Variants in SMAD7 observed in about 807,000 individuals in gnomAD.
SMAD7 encodes the protein MAD (mothers against decapentaplegic, Drosophila) homolog 7.
SMAD7 carries 8 observed loss-of-function variants against 38.7 expected under a neutral mutation model. The observed-to-expected ratio is 0.21, with a 90% confidence interval of 0.12 to 0.37. The LOEUF (loss-of-function observed/expected upper bound fraction) is 0.37, where lower values mean the gene tolerates loss of function less well. SMAD7 is among the 10% of genes least tolerant of loss of function. The probability of loss-of-function intolerance (pLI) is 1.00; values close to 1 mark genes in which losing one functional copy is unlikely to be tolerated. For synonymous variants in SMAD7, 327 were observed against 265.1 expected, an observed-to-expected ratio of 1.23 and a Z score of -2.27; for missense variants, 477 against 577.9, an observed-to-expected ratio of 0.83 and a Z score of 1.79.
At chr18:48,938,697 C>T (rs1041355101) in intron 3 of SMAD7, among the ~76,000 whole-genome samples, 12 of 152,340 alleles carry the variant, frequency 7.9e-5, no homozygotes, top group Non-Finnish European at 1.6e-4. Context: ...AGCCCCCAGA[C>T]AGAAACTCCA....
In SMAD7 at chr18:48,923,983, G is replaced by C. The variant is rs553184326; in HGVS notation, c.743-2073C>G. Among the ~76,000 whole-genome samples the C allele has an allele frequency of 4.6e-5, 7 of 152,254 alleles. No homozygotes were observed. In the East Asian group the frequency reaches 1.2e-3, roughly 25 times the overall value. On this transcript the variant is annotated intron_variant, in intron 3 of 3. Coordinates refer to ENST00000262158, the MANE Select transcript of SMAD7 (RefSeq NM_005904.4). ...GCAATCTTTGAACTTTCTTGCTGAG[G>C]GAACTCAGCTCTGAAGGCTACACCA...
chr18:48,947,331 T>A (rs2070206273), intron 2 of SMAD7, among the ~76,000 whole-genome samples: 1 of 152,178 alleles, frequency 6.6e-6, no homozygotes, highest in African/African-American at 2.4e-5. Context: ...GTATTTAATT[T>A]ATGACAACGC....
chr18:48,922,195 G>C (rs895477977), intron 3 of SMAD7, among the ~76,000 whole-genome samples: 1 of 152,190 alleles, frequency 6.6e-6, no homozygotes, highest in Non-Finnish European at 1.5e-5. Flanking sequence ...GGCCAACAAA[G>C]CCTCTTCTCT....
At chr18:48,925,008 G>A (rs1164183057) in intron 3 of SMAD7, among the ~76,000 whole-genome samples, 1 of 152,146 alleles carries the variant, frequency 6.6e-6, no homozygotes, top group Non-Finnish European at 1.5e-5. Context: ...TCCCTGAATC[G>A]GGCCCACAGC....
At chr18:48,930,672 C>T (rs1314961628) in intron 3 of SMAD7, among the ~76,000 whole-genome samples, 1 of 151,842 alleles carries the variant, frequency 6.6e-6, no homozygotes, top group Non-Finnish European at 1.5e-5. Flanking sequence ...GCCCTCAAGC[C>T]CACCCCGGTG....
intron 3 of SMAD7, among the ~76,000 whole-genome samples, chr18:48,939,380 C>A (rs1302559385): frequency 6.9e-6 from 1 of 145,906 alleles, no homozygotes; most frequent in Non-Finnish European, 1.5e-5. Flanking sequence ...TACCCACCCC[C>A]CCACACCCCC....
chr18:48,948,479 A>T, intron 1 of SMAD7, 42 bp from the exon 2 acceptor site: 1 of 1,397,364 alleles, frequency 7.2e-7, no homozygotes, highest in South Asian at 1.2e-5. Context: ...CCCAGCCATG[A>T]GAAGAGAGAT....
intron 3 of SMAD7, among the ~76,000 whole-genome samples, chr18:48,938,537 TCCATATGGCTGAGGC>T (rs2070097605): frequency 6.6e-6 from 1 of 152,106 alleles, no homozygotes; most frequent in African/African-American, 2.4e-5. Context: ...ACTGGGCAGG[TCCATATGGCTGAGGC>T]CCAGCCAGCT....
intron 3 of SMAD7, among the ~76,000 whole-genome samples, chr18:48,938,243 G>A (rs2070094134): frequency 6.6e-6 from 1 of 152,192 alleles, no homozygotes; most frequent in Non-Finnish European, 1.5e-5. Context: ...AACATCCTTG[G>A]ATGCTGAATG....
At chr18:48,949,397 G>T in intron 1 of SMAD7, 3 of 457,744 alleles carry the variant, frequency 6.6e-6, no homozygotes, top group Non-Finnish European at 8.6e-6. Context: ...TCCTTGGCGG[G>T]CCTGGACCAA....
rs1470841149 is a variant in SMAD7, at chr18:48,950,629, G to T, written c.-205C>A. 2 of 213,962 alleles carry T rather than the reference G, an allele frequency of 9.3e-6. No individual in the cohort carries two copies. The highest frequency in any genetic ancestry group is 1.8e-5 in the Non-Finnish European group (2 of 113,492). The allele number at this position is 213,962 out of a possible 1,614,324, so 13.3% of individuals were successfully genotyped here. ...TCCCGGAGGCCGGGGCGCGCGCGGG[G>T]GCCCGGGGGCGCCCGCCGGGGATCG... On this transcript the variant is annotated 5_prime_UTR_variant, in exon 1 of 4. Transcript: ENST00000262158.
chr18:48,950,508 C>A lies in SMAD7; in HGVS notation c.-84G>T, dbSNP rs1375788720. The A allele has an allele frequency of 7.4e-6, 10 of 1,355,162 alleles. No individual in the cohort carries two copies. The highest frequency in any genetic ancestry group is 9.7e-6 in the Non-Finnish European group (10 of 1,025,838). 83.9% of individuals were successfully genotyped at this position (1,355,162 alleles called of 1,614,324 possible). On this transcript the variant is annotated 5_prime_UTR_variant, in exon 1 of 4. Coordinates refer to ENST00000262158, the MANE Select transcript of SMAD7 (RefSeq NM_005904.4). ...CGCACACCATGAAGAAGTCGGGCGCCGAGTTGGGGCAGCAGGCGCAGGCGA... is the reference window on the plus strand; with the variant it reads ...CGCACACCATGAAGAAGTCGGGCGCAGAGTTGGGGCAGCAGGCGCAGGCGA...
intron 3 of SMAD7, among the ~76,000 whole-genome samples, chr18:48,927,906 G>A (rs1278121477): frequency 6.6e-6 from 1 of 152,198 alleles, no homozygotes; most frequent in Non-Finnish European, 1.5e-5. Flanking sequence ...GGAGTAGTAG[G>A]GGTGAGGCAC....
intron 3 of SMAD7, among the ~76,000 whole-genome samples, chr18:48,925,948 G>A (rs903761922): frequency 3.9e-5 from 6 of 152,108 alleles, no homozygotes; most frequent in Non-Finnish European, 7.4e-5. Flanking sequence ...GGGTTTCACC[G>A]TGTTAGCCAG....
intron 3 of SMAD7, among the ~76,000 whole-genome samples, chr18:48,932,827 G>A (rs201107557): frequency 7.2e-5 from 11 of 152,168 alleles, no homozygotes; most frequent in South Asian, 4.1e-4. Context: ...GATGGTCTTC[G>A]TTGCGAATCA....
chr18:48,931,952 C>A (rs912347090), intron 3 of SMAD7, among the ~76,000 whole-genome samples: 1 of 147,806 alleles, frequency 6.8e-6, no homozygotes, highest in East Asian at 2.0e-4. Context: ...GCAGGCCCCA[C>A]GATCCTGGGC....
At chr18:48,925,586 A>G (rs1299586530) in intron 3 of SMAD7, among the ~76,000 whole-genome samples, 1 of 152,092 alleles carries the variant, frequency 6.6e-6, no homozygotes, top group Non-Finnish European at 1.5e-5. Context: ...ACTCTTACAA[A>G]GAGTTATTTA....
At chr18:48,933,537 AGCAGC>A (rs1431670473) in intron 3 of SMAD7, 1 of 152,574 alleles carries the variant, frequency 6.6e-6, no homozygotes, top group Non-Finnish European at 1.5e-5. Context: ...CTTCTTCCAA[AGCAGC>A]GGGCCCACCT....
rs1024115378 is a variant in SMAD7, at chr18:48,919,875, G to A, written c.*1497C>T. On this transcript the variant is annotated 3_prime_UTR_variant, in exon 4 of 4. Coordinates refer to ENST00000262158, the MANE Select transcript of SMAD7 (RefSeq NM_005904.4). ...AAATCAAGTGTACATTTTAAAAATC[G>A]TTTAATGGAACATAAACTCCTTTAG... is the stretch of plus-strand genomic sequence containing the variant. 3.5e-4 allele frequency: 53 copies of A among 152,516 alleles called. No individual in the cohort carries two copies. The highest frequency in any genetic ancestry group is 9.4e-4 in the African/African-American group (39 of 41,412). The allele number at this position is 152,516 out of a possible 1,614,324, so 9.4% of individuals were successfully genotyped here. A position where few individuals can be genotyped will look rare whatever the true frequency, so the allele number is the denominator to read the frequency against.
Sources: allele counts gnomAD v4.1 joint callset (sites outside exome capture counted in the v4.1 genomes callset), GRCh38; gene constraint gnomAD v4.1.1; transcripts MANE v1.5; gene names NCBI Gene and HGNC (gene_info 2026-07-23, HGNC 2026-07-21).